Variants in AGL observed in about 807,000 individuals in gnomAD.
AGL encodes glycogen debranching enzyme.
A neutral mutation model predicts 199.3 loss-of-function variants in AGL; 128 were observed. The ratio of observed to expected loss-of-function variants is 0.64; its 90% CI spans 0.56 to 0.74. AGL has a LOEUF of 0.74. Among genes scored for constraint, AGL ranks in the 30% least tolerant of loss-of-function variants. AGL has a pLI of 0.00. For missense variants in AGL, 1,809 were observed against 1,820.8 expected (o/e 0.99, Z 0.12); for synonymous variants, 584 against 594.7 (o/e 0.98, Z 0.26).
Position 99,880,802 on chromosome 1 carries a change from A to G in AGL, c.1899+7A>G, listed in dbSNP as rs780415083. The G allele has an allele frequency of 6.2e-7, 1 of 1,613,854 alleles. No homozygotes were observed. Among genetic ancestry groups the G allele is most frequent in the Non-Finnish European group, 8.5e-7 (1 of 1,179,836 alleles). On this transcript the variant is annotated splice_region_variant and intron_variant, in intron 14 of 33. Transcript: ENST00000361915. ...TAATGAGTGTCCTATTGTGGTAAGC[A>G]CCTAATCTTTTTCATGTACTTATTT...
intron 30 of AGL, 52 bp downstream of exon 30, chr1:99,913,790 C>T: frequency 1.3e-6 from 2 of 1,528,102 alleles, no homozygotes; most frequent in South Asian, 1.1e-5. Context: ...CTAGAGTTTG[C>T]TTAGTTCCTT....
At position 99,888,065 on chromosome 1, in the gene AGL, T is replaced by C. The variant is rs1440014744; in HGVS notation, c.2769T>C (p.Tyr923=). 1.9e-5 allele frequency: 31 copies of C among 1,613,438 alleles called. No individual in the cohort carries two copies. Among genetic ancestry groups the C allele is most frequent in the Non-Finnish European group, 2.4e-5 (28 of 1,179,680 alleles). The change falls in exon 21 of 34, where the codon TAT becomes TAC. Residue 923 remains tyrosine (Y), a synonymous_variant. Coordinates refer to ENST00000361915, the MANE Select transcript of AGL (RefSeq NM_000642.3). ...SEEKEDGGGC[Y]DIPNWSALKY... is the part of the protein sequence containing the mutation. Reference sequence around the variant, plus strand: ...AAAAGGAAGATGGTGGAGGGTGCTATGACATACCAAACTGGTCAGCCCTTA... The same window carrying C: ...AAAAGGAAGATGGTGGAGGGTGCTACGACATACCAAACTGGTCAGCCCTTA...
Position 99,891,356 on chromosome 1 carries a change from A to G in AGL, c.2949A>G (p.Glu983=). The change falls in exon 22 of 34, where the codon GAA becomes GAG. Residue 983 remains glutamate (E), a splice_region_variant and synonymous_variant. Coordinates refer to ENST00000361915, the MANE Select transcript of AGL (RefSeq NM_000642.3). ...TTTCACGATCAGGAACTATTGCTGA[A>G]GTAAGTAGAGCTATATTATCGTCCC... ...RLISRSGTIA[E]VGKWLQAMFF... is the part of the protein sequence containing the mutation. 3 of 1,613,626 alleles carry G rather than the reference A, an allele frequency of 1.9e-6. No homozygotes were observed. Among genetic ancestry groups the G allele is most frequent in the East Asian group, 2.2e-5 (1 of 44,858 alleles).
In AGL at chr1:99,900,655, G is replaced by A. The variant is rs1653752606; in HGVS notation, c.3382G>A (p.Ala1128Thr). The change falls in exon 26 of 34, where the codon GCG becomes ACG. Residue 1128 changes from alanine (A) to threonine (T), a missense_variant. Transcript: ENST00000361915. ...VEARNIILAF[A>T]GTLRHGLIPN... ...TTTTAGGAATATTATTTTAGCATTT[G>A]CGGGTACCCTGAGGCATGGTCTCAT... 1.2e-6 allele frequency: 2 copies of A among 1,613,676 alleles called. No individual in the cohort carries two copies. Among genetic ancestry groups the A allele is most frequent in the Admixed American group, 1.7e-5 (1 of 59,990 alleles).
At chr1:99,876,663 C>CAA in intron 11 of AGL, 66 bp downstream of exon 11, 1 of 1,571,988 alleles carries the variant, frequency 6.4e-7, no homozygotes, top group Non-Finnish European at 8.8e-7. Context: ...AAAATAAAAT[C>CAA]TGCTTTACTG....
At chr1:99,882,970 GT>G (rs1306560137) in intron 17 of AGL, among the ~76,000 whole-genome samples, 1 of 152,076 alleles carries the variant, frequency 6.6e-6, no homozygotes, top group Non-Finnish European at 1.5e-5. Context: ...TACGTATTCA[GT>G]TTTATAGGAC....
intron 1 of AGL, 190 bp downstream of exon 1, chr1:99,850,605 C>G (rs2101052585): frequency 5.4e-6 from 1 of 186,746 alleles, no homozygotes; most frequent in East Asian, 1.4e-4. Context: ...TATCTTTGAG[C>G]AGACTAATCT....
intron 2 of AGL, among the ~76,000 whole-genome samples, chr1:99,857,413 G>A (rs1444934057): frequency 1.3e-5 from 2 of 152,006 alleles, no homozygotes; most frequent in African/African-American, 4.8e-5. Flanking sequence ...ACGGGGTGGC[G>A]GCCGGGCAGA....
chr1:99,874,506 C>T (rs1409402122), intron 7 of AGL, 181 bp from the exon 8 acceptor site: 3 of 599,426 alleles, frequency 5.0e-6, no homozygotes, highest in Non-Finnish European at 8.7e-6. Context: ...TGCGCGTGCA[C>T]GCACGTGCAC....
chr1:99,888,217 T>C (rs1348403205), intron 21 of AGL, 109 bp downstream of exon 21: 2 of 1,409,928 alleles, frequency 1.4e-6, no homozygotes, highest in African/African-American at 2.8e-5. Context: ...TGGGTTGCAA[T>C]TATGGCTCTG....
intron 20 of AGL, among the ~76,000 whole-genome samples, chr1:99,886,943 G>C (rs1321293713): frequency 6.6e-6 from 1 of 152,190 alleles, no homozygotes; most frequent in Non-Finnish European, 1.5e-5. Flanking sequence ...GCAAGGCCAA[G>C]AAATTTGCAG....
rs1201487170 is a variant in AGL at position 99,884,422 on chromosome 1, C to G, written c.2517C>G (p.Asn839Lys). ...ATATTCAAGAAATAGAATTTGAAAA[C>G]TTGTCTCCAGGAAGTGTTATTATAT... ...NEYIQEIEFE[N>K]LSPGSVIIFR... The change falls in exon 19 of 34, where the codon AAC becomes AAG. Residue 839 changes from asparagine (N) to lysine (K), a missense_variant. By Grantham distance (94) the Asn-to-Lys change is moderately conservative. Transcript: ENST00000361915. 1.9e-6 allele frequency: 3 copies of G among 1,612,418 alleles called. No homozygotes were observed. The highest frequency in any genetic ancestry group is 2.5e-6 in the Non-Finnish European group (3 of 1,179,230).
At chr1:99,900,882 GTTTT>G in intron 26 of AGL, 21 bp downstream of exon 26, 2 of 1,270,406 alleles carry the variant, frequency 1.6e-6, no homozygotes, top group Non-Finnish European at 1.1e-6. Context: ...TTCTTAAAAT[GTTTT>G]TTTGTTTTTT....
chr1:99,877,341 T>C (rs1651630728), intron 11 of AGL, among the ~76,000 whole-genome samples: 1 of 152,192 alleles, frequency 6.6e-6, no homozygotes, highest in Non-Finnish European at 1.5e-5. Flanking sequence ...GGTAGAACTA[T>C]GGTTTTAAAA....
At position 99,870,549 on chromosome 1, in the gene AGL, C is replaced by T; in HGVS notation, c.814C>T (p.Pro272Ser). The T allele has an allele frequency of 6.2e-7, 1 of 1,613,850 alleles. No homozygotes were observed. The highest frequency in any genetic ancestry group is 2.2e-5 in the East Asian group (1 of 44,856). ...AEGKYKEKGI[P>S]ALIENDHHMN... The stretch of plus-strand genomic sequence containing the variant: ...AGGGAAATACAAAGAAAAGGGAATA[C>T]CTGCTTTGATTGAAAATGATCACCA... The change falls in exon 6 of 34, where the codon CCT (proline) becomes TCT (serine). Residue 272 changes from proline to serine, a missense_variant. Transcript: ENST00000361915.
chr1:99,895,836 CATG>C (rs1303637991), intron 24 of AGL, among the ~76,000 whole-genome samples: 3 of 152,124 alleles, frequency 2.0e-5, no homozygotes, highest in Non-Finnish European at 4.4e-5. Flanking sequence ...ACTAGCCAGG[CATG>C]GTGGTGTCTA....
At chr1:99,864,127 G>C (rs1363398978) in intron 4 of AGL, among the ~76,000 whole-genome samples, 1 of 152,162 alleles carries the variant, frequency 6.6e-6, no homozygotes, top group African/African-American at 2.4e-5. Context: ...TAGGCAGTGT[G>C]TGTGAATTTT....
chr1:99,863,843 T>C (rs1440105671), intron 4 of AGL, among the ~76,000 whole-genome samples: 7 of 151,336 alleles, frequency 4.6e-5, no homozygotes, highest in Non-Finnish European at 8.8e-5. Context: ...AGTCTCACTG[T>C]GTTGCCCAAG....
intron 24 of AGL, among the ~76,000 whole-genome samples, chr1:99,893,981 A>G (rs1349673020): frequency 1.3e-5 from 2 of 152,022 alleles, no homozygotes; most frequent in Non-Finnish European, 2.9e-5. Context: ...CAGGGAGTTC[A>G]AGACCAGCCT....
Sources: gnomAD v4.1 joint callset for allele counts (sites outside exome capture counted in the v4.1 genomes callset) on GRCh38, gnomAD v4.1.1 for gene constraint, MANE v1.5 for transcripts, NCBI Gene and HGNC (gene_info 2026-07-23, HGNC 2026-07-21) for gene names.